Variants in TADA2B observed in about 807,000 individuals in gnomAD.
TADA2B encodes transcriptional adapter 2-beta.
A neutral mutation model predicts 34.5 loss-of-function variants in TADA2B; 13 were observed. The observed-to-expected ratio is 0.38, with a 90% CI of 0.25 to 0.60. The LOEUF is 0.60. TADA2B is among the 20% of genes least tolerant of loss of function. The pLI, the probability that TADA2B is intolerant of heterozygous loss-of-function variation, is 0.65. For missense variants in TADA2B, 442 were observed against 575.0 expected (o/e 0.77, Z 2.37); for synonymous variants, 240 against 243.4 (o/e 0.99, Z 0.13).
Position 7,043,514 on chromosome 4 carries a change from G to A in TADA2B, c.-66G>A, listed in dbSNP as rs1577213520. The A allele has an allele frequency of 1.0e-6, 1 of 963,328 alleles. No individual in the cohort carries two copies. The highest frequency in any genetic ancestry group is 4.6e-5 in the South Asian group (1 of 21,648). 59.7% of individuals were successfully genotyped at this position (963,328 alleles called of 1,614,324 possible). A position where few individuals can be genotyped will look rare whatever the true frequency, so the allele number is the denominator to read the frequency against. ...GGCGGCGGCGGGTCCCGCGGGCGGCGGGGCGCTGACGGCCGGGGGCGCGGC... is the reference window on the plus strand; with the variant it reads ...GGCGGCGGCGGGTCCCGCGGGCGGCAGGGCGCTGACGGCCGGGGGCGCGGC... On this transcript the variant is annotated 5_prime_UTR_variant, in exon 1 of 2. Coordinates refer to ENST00000310074, the MANE Select transcript of TADA2B (RefSeq NM_152293.3).
rs1325893148 is a variant in TADA2B, at chr4:7,055,018, C to A, written c.1227C>A (p.Leu409=). 6.2e-7 allele frequency: 1 copy of A among 1,612,040 alleles called. No homozygotes were observed. Among genetic ancestry groups the A allele is most frequent in the South Asian group, 1.1e-5 (1 of 90,892 alleles). The change falls in exon 2 of 2, where the codon CTC becomes CTA. Residue 409 remains leucine (L), a synonymous_variant. Transcript: ENST00000310074. Reference sequence around the variant, plus strand: ...TAAAGAAAAGGATTTTGAATTTCCTCACAGAAAGCGGCTGGATCTCCAGGG... The same window carrying A: ...TAAAGAAAAGGATTTTGAATTTCCTAACAGAAAGCGGCTGGATCTCCAGGG... ...KVLKKRILNF[L]TESGWISRDA... is the part of the protein sequence containing the mutation.
chr4:7,048,785 T>C (rs1255905692), intron 1 of TADA2B, among the ~76,000 whole-genome samples: 1 of 152,144 alleles, frequency 6.6e-6, no homozygotes, highest in African/African-American at 2.4e-5. Context: ...ACTTCCCGTC[T>C]GGCGCTAGGG....
At position 7,054,545 on chromosome 4, in the gene TADA2B, G is replaced by T. The variant is rs748866730; in HGVS notation, c.754G>T (p.Glu252Ter). The change falls in exon 2 of 2, where the codon GAG becomes TAG. Residue 252 changes from glutamate (E) to a stop codon, truncating the protein, a stop_gained. Coordinates refer to ENST00000310074, the MANE Select transcript of TADA2B (RefSeq NM_152293.3). LOFTEE classifies it high-confidence loss of function. ...GCTGAAGCGCAAGATCACCAAGGAG[G>T]AGAAGGAGCTGCGCCTGAAGCTGAG... ...KALKRKITKE[E>*]KELRLKLRPL... The T allele has an allele frequency of 6.2e-7, 1 of 1,613,906 alleles. No individual in the cohort carries two copies. Among genetic ancestry groups the T allele is most frequent in the South Asian group, 1.1e-5 (1 of 91,088 alleles).
At chr4:7,047,403 C>T (rs1723655407) in intron 1 of TADA2B, among the ~76,000 whole-genome samples, 1 of 152,204 alleles carries the variant, frequency 6.6e-6, no homozygotes, top group Admixed American at 6.5e-5. Flanking sequence ...GCCTTGTGCA[C>T]ACACGTCAAC....
chr4:7,049,615 G>A (rs1723717774), intron 1 of TADA2B, among the ~76,000 whole-genome samples: 1 of 152,258 alleles, frequency 6.6e-6, no homozygotes, highest in Non-Finnish European at 1.5e-5. Context: ...CTGACACCTG[G>A]AAGCAGTGGC....
Position 7,054,355 on chromosome 4 carries a change from C to G in TADA2B, c.564C>G (p.Leu188=), listed in dbSNP as rs185839474. Residue 188 remains leucine (L), a synonymous_variant, in exon 2 of 2, where the codon CTC becomes CTG. Transcript: ENST00000310074. Reference sequence around the variant, plus strand: ...ATGCCGAGACGCTCATCAGCGGGCTCTCTGTCAACTATGATGACGACGACG... The same window carrying G: ...ATGCCGAGACGCTCATCAGCGGGCTGTCTGTCAACTATGATGACGACGACG... The part of the protein sequence containing the change: ...DQDAETLISG[L]SVNYDDDDVE... 5.0e-6 allele frequency: 8 copies of G among 1,613,568 alleles called. No individual in the cohort carries two copies. The Admixed American group carries it at 5.0e-5, about 10-fold the overall frequency.
At chr4:7,044,157 C>T (rs1442643556) in intron 1 of TADA2B, among the ~76,000 whole-genome samples, 2 of 152,250 alleles carry the variant, frequency 1.3e-5, no homozygotes, top group Non-Finnish European at 2.9e-5. Flanking sequence ...TTGCGGAGTG[C>T]AGACGTTGGG....
At position 7,055,989 on chromosome 4, in the gene TADA2B, C is replaced by T. The variant is rs750512199; in HGVS notation, c.*935C>T. 6.6e-6 allele frequency: 1 copy of T among 152,286 alleles called. No homozygotes were observed. Among genetic ancestry groups the T allele is most frequent in the Non-Finnish European group, 1.5e-5 (1 of 68,068 alleles). 9.4% of individuals were successfully genotyped at this position (152,286 alleles called of 1,614,324 possible). ...CAAGGCTAAGAGTTCTGAATTCTGG[C>T]GTCAGCTTCCTCAGGATTTTCTTCA... On this transcript the variant is annotated 3_prime_UTR_variant, in exon 2 of 2. Transcript: ENST00000310074.
intron 1 of TADA2B, among the ~76,000 whole-genome samples, chr4:7,047,574 C>T (rs936888838): frequency 1.5e-4 from 23 of 152,232 alleles, no homozygotes; most frequent in Admixed American, 1.4e-3. Flanking sequence ...TTAGCACAGC[C>T]TCGGGGCCTG....
intron 1 of TADA2B, among the ~76,000 whole-genome samples, chr4:7,051,171 G>A (rs1287490850): frequency 6.6e-6 from 1 of 152,184 alleles, no homozygotes; most frequent in Non-Finnish European, 1.5e-5. Flanking sequence ...AGTTGAGCCC[G>A]GCCCTGGGGG....
intron 1 of TADA2B, among the ~76,000 whole-genome samples, chr4:7,047,514 C>T (rs371213260): frequency 2.0e-5 from 3 of 152,220 alleles, no homozygotes; most frequent in Non-Finnish European, 4.4e-5. Context: ...CCAGACACAT[C>T]GATGGTCACT....
At position 7,057,883 on chromosome 4, in the gene TADA2B, G is replaced by A. The variant is rs1723931122; in HGVS notation, c.*2829G>A. ...TCTGAATGGCCAACATCCCAAGAAT[G>A]TATTAAAAACAGCAACCCTGCCTAC... On this transcript the variant is annotated 3_prime_UTR_variant, in exon 2 of 2. Transcript: ENST00000310074. 1 of 98,622 alleles carries A rather than the reference G, an allele frequency of 1.0e-5. No homozygotes were observed. Among genetic ancestry groups the A allele is most frequent in the Non-Finnish European group, 2.4e-5 (1 of 41,554 alleles). 6.1% of individuals were successfully genotyped at this position (98,622 alleles called of 1,614,324 possible). A position where few individuals can be genotyped will look rare whatever the true frequency, so the allele number is the denominator to read the frequency against.
At chr4:7,052,011 T>C (rs66885632) in intron 1 of TADA2B, among the ~76,000 whole-genome samples, 27,394 of 152,194 alleles carry the variant, frequency 0.18, 2,486 homozygotes, top group East Asian at 0.28. Context: ...CTGACTCACC[T>C]TGTGACCTTG....
chr4:7,051,876 C>T (rs913180850), intron 1 of TADA2B, among the ~76,000 whole-genome samples: 5 of 152,228 alleles, frequency 3.3e-5, no homozygotes, highest in Non-Finnish European at 5.9e-5. Flanking sequence ...GGATTACAGG[C>T]GTGAGCCACC....
In TADA2B at chr4:7,054,185, G is replaced by A; in HGVS notation, c.394G>A (p.Val132Met). The A allele has an allele frequency of 1.6e-5, 25 of 1,606,668 alleles. No homozygotes were observed. Among genetic ancestry groups the A allele is most frequent in the Non-Finnish European group, 2.0e-5 (24 of 1,176,698 alleles). Reference protein sequence around the residue: ...ACIPDTIPNRVTDHTCPSGGP... With the variant: ...ACIPDTIPNRMTDHTCPSGGP... Reference sequence around the variant, plus strand: ...CATCCCCGACACCATCCCCAACCGCGTGACAGACCACACCTGTCCCAGCGG... The same window carrying A: ...CATCCCCGACACCATCCCCAACCGCATGACAGACCACACCTGTCCCAGCGG... The change falls in exon 2 of 2, where the codon GTG becomes ATG. Residue 132 changes from valine (V) to methionine (M), a missense_variant. Around this residue, in one of 4 missense-constraint regions of TADA2B, gnomAD observed 222 missense variants for 235.2 expected, o/e 0.94. Transcript: ENST00000310074.
chr4:7,054,868 C>T lies in TADA2B; in HGVS notation c.1077C>T (p.Cys359=). The change falls in exon 2 of 2, where the codon TGC becomes TGT. Residue 359 remains cysteine, a synonymous_variant. Coordinates refer to ENST00000310074, the MANE Select transcript of TADA2B (RefSeq NM_152293.3). ...TGTCAGATCGCGAGAAGGTGCTCTG[C>T]AGCTCTTTAAACTTGAGTCCAGCCC... The part of the protein sequence containing the change: ...ELLSDREKVL[C]SSLNLSPARY... The T allele has an allele frequency of 6.2e-7, 1 of 1,613,968 alleles. No homozygotes were observed. The highest frequency in any genetic ancestry group is 8.5e-7 in the Non-Finnish European group (1 of 1,179,896).
intron 1 of TADA2B, chr4:7,053,717 C>T (rs982421523): frequency 2.5e-5 from 6 of 242,618 alleles, no homozygotes; most frequent in Non-Finnish European, 4.8e-5. Context: ...AGGTGGGCTC[C>T]TCTGGTCGCA....
rs537089764 is a variant in TADA2B at position 7,048,250 on chromosome 4, C to T, written c.270+4401C>T. ...CGCCGGGGCAGGAGCCTCCACTGTG[C>T]GGGCTTCCAGGGATGACCATTAAGG... On this transcript the variant is annotated intron_variant, in intron 1 of 1. Transcript: ENST00000310074. 1.8e-3 allele frequency among the ~76,000 whole-genome samples: 268 copies of T among 152,170 alleles called. 1 individual carries two copies. The highest frequency in any genetic ancestry group is 3.1e-3 in the Non-Finnish European group (208 of 68,006).
In TADA2B at chr4:7,043,461, C is replaced by T. The variant is rs1723536390; in HGVS notation, c.-119C>T. The T allele has an allele frequency of 9.4e-6, 4 of 427,580 alleles. No homozygotes were observed. Among genetic ancestry groups the T allele is most frequent in the Non-Finnish European group, 9.2e-6 (3 of 325,130 alleles). 26.5% of individuals were successfully genotyped at this position (427,580 alleles called of 1,614,324 possible). ...GGGGCCGCGGTGGCGGCAGCCGCGGCGGCGGGCGGCGGTTGCTCGTGCGCG... is the reference window on the plus strand; with the variant it reads ...GGGGCCGCGGTGGCGGCAGCCGCGGTGGCGGGCGGCGGTTGCTCGTGCGCG... On this transcript the variant is annotated 5_prime_UTR_variant, in exon 1 of 2. Coordinates refer to ENST00000310074, the MANE Select transcript of TADA2B (RefSeq NM_152293.3).
Sources: allele counts gnomAD v4.1 joint callset (sites outside exome capture counted in the v4.1 genomes callset), GRCh38; gene constraint gnomAD v4.1.1; regional missense constraint gnomAD v4.1.1; transcripts MANE v1.5; gene names NCBI Gene and HGNC (gene_info 2026-07-23, HGNC 2026-07-21).